Variants in TRABD2A observed in about 807,000 individuals in gnomAD.
TRABD2A encodes TraB domain containing 2A, also known as metalloprotease TIKI1.
Under a neutral mutation model 45.6 loss-of-function variants are expected in TRABD2A, and 43 were observed. The observed-to-expected ratio is 0.94, with a 90% CI of 0.74 to 1.22. The LOEUF (loss-of-function observed/expected upper bound fraction) is 1.22, where lower values mean the gene tolerates loss of function less well. TRABD2A is among the 50% of genes most tolerant of loss of function. The pLI is 0.00. For missense variants in TRABD2A, 642 were observed against 652.4 expected, an observed-to-expected ratio of 0.98 and a Z score of 0.17; for synonymous variants, 269 against 265.0, an observed-to-expected ratio of 1.02 and a Z score of -0.15.
At chr2:84,863,775 C>G (rs1452350263) in intron 2 of TRABD2A, among the ~76,000 whole-genome samples, 2 of 151,868 alleles carry the variant, frequency 1.3e-5, no homozygotes, top group Non-Finnish European at 2.9e-5. Context: ...CCACACCTGG[C>G]TAATTTTTTG....
chr2:84,858,988 C>G (rs1682406297), intron 2 of TRABD2A, among the ~76,000 whole-genome samples: 1 of 152,126 alleles, frequency 6.6e-6, no homozygotes, highest in African/African-American at 2.4e-5. Flanking sequence ...TTTTAAAAAC[C>G]TGCATCACAG....
chr2:84,833,550 A>ACTTTCCAT (rs1681407410), intron 4 of TRABD2A: 1 of 152,112 alleles, frequency 6.6e-6, no homozygotes, highest in Non-Finnish European at 1.5e-5. Context: ...AAACTCCAGT[A>ACTTTCCAT]CTTTCCATTT....
Position 84,880,917 on chromosome 2 carries a change from C to G in TRABD2A, c.108+15G>C, listed in dbSNP as rs1228213580. 2 of 1,578,286 alleles carry G rather than the reference C, an allele frequency of 1.3e-6. No individual in the cohort carries two copies. Among genetic ancestry groups the G allele is most frequent in the Middle Eastern group, 1.7e-4 (1 of 5,962 alleles). ...GCAGAGAGGCCGGCTCTCCAGCACC[C>G]GACGCGCGCCTTACTTGGGGCTTGA... On this transcript the variant is annotated intron_variant, in intron 1 of 6. Transcript: ENST00000409520.
intron 1 of TRABD2A, among the ~76,000 whole-genome samples, chr2:84,878,793 C>G (rs904592228): frequency 3.3e-5 from 5 of 152,168 alleles, no homozygotes; most frequent in Admixed American, 6.6e-5. Flanking sequence ...TCTCAAGACC[C>G]CAACCCACTG....
At chr2:84,839,099 G>A in intron 4 of TRABD2A, 50 bp downstream of exon 4, 6 of 1,600,772 alleles carry the variant, frequency 3.7e-6, no homozygotes, top group Non-Finnish European at 4.3e-6. Flanking sequence ...TTCCCTTCTT[G>A]GGAGAAGCCT....
intron 1 of TRABD2A, among the ~76,000 whole-genome samples, chr2:84,877,562 G>A (rs113876518): frequency 0.036 from 5,513 of 152,120 alleles, 339 homozygotes; most frequent in African/African-American, 0.13. Context: ...CTATGATCAC[G>A]ACACTGCCCT....
chr2:84,841,837 T>G (rs888259991), intron 3 of TRABD2A, 24 bp downstream of exon 3: 22 of 1,495,734 alleles, frequency 1.5e-5, no homozygotes, highest in Non-Finnish European at 2.0e-5. Flanking sequence ...TGTGCTGAGC[T>G]TGGCAGGGGG....
intron 1 of TRABD2A, among the ~76,000 whole-genome samples, chr2:84,871,635 C>T (rs189429128): frequency 3.0e-4 from 45 of 152,254 alleles, no homozygotes; most frequent in African/African-American, 8.9e-4. Context: ...TACTGGCACT[C>T]GCCACCACGC....
At chr2:84,875,764 C>T (rs1252320113) in intron 1 of TRABD2A, among the ~76,000 whole-genome samples, 1 of 152,132 alleles carries the variant, frequency 6.6e-6, no homozygotes, top group Non-Finnish European at 1.5e-5. Flanking sequence ...AATCCCAACA[C>T]TTTGGGAAGC....
At chr2:84,853,444 T>C (rs1235777937) in intron 2 of TRABD2A, among the ~76,000 whole-genome samples, 1 of 152,086 alleles carries the variant, frequency 6.6e-6, no homozygotes, top group African/African-American at 2.4e-5. Flanking sequence ...CTTATGAAAC[T>C]ATCAGATCTC....
At chr2:84,861,021 C>T (rs758874460) in intron 2 of TRABD2A, among the ~76,000 whole-genome samples, 4 of 152,172 alleles carry the variant, frequency 2.6e-5, no homozygotes, top group African/African-American at 4.8e-5. Context: ...ATCAGGCCCT[C>T]GAGCTTGGAT....
intron 2 of TRABD2A, among the ~76,000 whole-genome samples, chr2:84,847,818 G>A (rs1298630823): frequency 6.6e-6 from 1 of 152,172 alleles, no homozygotes; most frequent in African/African-American, 2.4e-5. Context: ...TCACCATTCT[G>A]GATGCTAGAA....
intron 5 of TRABD2A, among the ~76,000 whole-genome samples, chr2:84,828,107 A>G (rs1279569006): frequency 6.6e-6 from 1 of 152,188 alleles, no homozygotes; most frequent in Admixed American, 6.5e-5. Context: ...CCCTCTGCAG[A>G]TTAGCCCAAC....
intron 2 of TRABD2A, among the ~76,000 whole-genome samples, chr2:84,861,350 C>A (rs1265918082): frequency 6.6e-6 from 1 of 152,134 alleles, no homozygotes; most frequent in Non-Finnish European, 1.5e-5. Context: ...TTTCCTACAA[C>A]TAGACAGTCC....
At chr2:84,824,285 G>A in intron 5 of TRABD2A, 81 bp from the exon 6 acceptor site, 2 of 1,546,076 alleles carry the variant, frequency 1.3e-6, no homozygotes, top group South Asian at 1.2e-5. Context: ...ACACCTCAGG[G>A]TTTCAAGACA....
At chr2:84,874,216 G>T (rs999347214) in intron 1 of TRABD2A, among the ~76,000 whole-genome samples, 2 of 152,134 alleles carry the variant, frequency 1.3e-5, no homozygotes, top group African/African-American at 4.8e-5. Context: ...TACTGGTCTA[G>T]AAATAAGGTC....
chr2:84,879,364 A>G (rs1039805330), intron 1 of TRABD2A, among the ~76,000 whole-genome samples: 1 of 151,728 alleles, frequency 6.6e-6, no homozygotes, highest in Admixed American at 6.6e-5. Flanking sequence ...ATTTTTTTGT[A>G]GAGACAAGGG....
chr2:84,824,235 G>A (rs774500453), intron 5 of TRABD2A, 31 bp from the exon 6 acceptor site: 14 of 1,612,556 alleles, frequency 8.7e-6, no homozygotes, highest in Non-Finnish European at 1.2e-5. Flanking sequence ...AAGGTATTTG[G>A]AGGAGGGTCA....
At chr2:84,832,976 T>C (rs912111688) in intron 4 of TRABD2A, 3 of 152,204 alleles carry the variant, frequency 2.0e-5, no homozygotes, top group African/African-American at 7.2e-5. Context: ...GGTTTCTGCA[T>C]AGGACAAACC....
Sources: gnomAD v4.1 joint callset for allele counts (sites outside exome capture counted in the v4.1 genomes callset) on GRCh38, gnomAD v4.1.1 for gene constraint, MANE v1.5 for transcripts, NCBI Gene and HGNC (gene_info 2026-07-23, HGNC 2026-07-21) for gene names.